Variants in SLC12A6 observed in about 807,000 individuals in gnomAD.
The protein encoded by SLC12A6 is K-Cl cotransporter 3.
SLC12A6 carries 66 observed loss-of-function variants against 135.3 expected under a neutral mutation model. The ratio of observed to expected loss-of-function variants is 0.49; its 90% CI spans 0.40 to 0.60. The LOEUF is 0.60. Among genes scored for constraint, SLC12A6 ranks in the 20% least tolerant of loss-of-function variants. The pLI is 0.00. For missense variants in SLC12A6, 1,058 were observed against 1,452.3 expected (o/e 0.73, Z 4.41); for synonymous variants, 513 against 508.8 (o/e 1.01, Z -0.11).
chr15:34,256,903 T>A (rs1892789212), intron 6 of SLC12A6, among the ~76,000 whole-genome samples: 1 of 152,062 alleles, frequency 6.6e-6, no homozygotes, highest in Admixed American at 6.5e-5. Context: ...TGATTAGATG[T>A]GAAAAGCAAT....
chr15:34,265,020 C>A (rs796512810), intron 3 of SLC12A6, among the ~76,000 whole-genome samples: 51 of 152,200 alleles, frequency 3.4e-4, no homozygotes, highest in African/African-American at 1.1e-3. Context: ...CACGGTGAAA[C>A]CCTGTCTCTA....
intron 4 of SLC12A6, among the ~76,000 whole-genome samples, chr15:34,260,223 A>G (rs1381811998): frequency 4.6e-5 from 7 of 152,212 alleles, no homozygotes; most frequent in Admixed American, 4.6e-4. Context: ...CAATTAAAAA[A>G]AAGGACATGA....
chr15:34,230,847 G>A lies in SLC12A6; in HGVS notation c.*3034C>T, dbSNP rs1238660309. On this transcript the variant is annotated 3_prime_UTR_variant, in exon 26 of 26. Transcript: ENST00000354181. ...TAACAGTGATTTTGTGTTTCGGGCT[G>A]AAGCAGTGGTTATATTAAAAGCCAC... 6.6e-6 allele frequency: 1 copy of A among 152,644 alleles called. No individual in the cohort carries two copies. Among genetic ancestry groups the A allele is most frequent in the East Asian group, 1.9e-4 (1 of 5,204 alleles). The allele number at this position is 152,644 out of a possible 1,614,324, so 9.5% of individuals were successfully genotyped here. A position where few individuals can be genotyped will look rare whatever the true frequency, so the allele number is the denominator to read the frequency against.
chr15:34,269,754 T>A (rs952688290), intron 3 of SLC12A6, among the ~76,000 whole-genome samples: 1 of 152,174 alleles, frequency 6.6e-6, no homozygotes, highest in Non-Finnish European at 1.5e-5. Context: ...AATTGGTAGT[T>A]GAATCTAAAA....
At chr15:34,293,446 G>A (rs902125034) in intron 2 of SLC12A6, among the ~76,000 whole-genome samples, 4 of 152,162 alleles carry the variant, frequency 2.6e-5, no homozygotes, top group Non-Finnish European at 5.9e-5. Context: ...TGAGATTACA[G>A]GTGCCCACTG....
In SLC12A6 at chr15:34,237,494, A is replaced by G. The variant is rs776132941; in HGVS notation, c.2859T>C (p.Ser953=). 5 of 1,612,240 alleles carry G rather than the reference A, an allele frequency of 3.1e-6. No individual in the cohort carries two copies. The East Asian group carries it at 1.1e-4, about 36-fold the overall frequency. The change falls in exon 22 of 26, where the codon AGT becomes AGC. Residue 953 remains serine (S), a synonymous_variant. Coordinates refer to ENST00000354181, the MANE Select transcript of SLC12A6 (RefSeq NM_001365088.1). ...TGGCTAGGTCCTTCTTCATTTGGAT[A>G]CTGTTGTCTTCTAATTGGGCTACTG... is the stretch of plus-strand genomic sequence containing the variant. ...IFTVAQLEDN[S]IQMKKDLATF... is the part of the protein sequence containing the mutation.
chr15:34,285,599 T>C (rs556438522), intron 2 of SLC12A6, among the ~76,000 whole-genome samples: 1 of 150,448 alleles, frequency 6.6e-6, no homozygotes, highest in African/African-American at 2.5e-5. Flanking sequence ...GAGTTCTCCA[T>C]GTACCCACCA....
rs1891819836 is a variant in SLC12A6, at chr15:34,243,974, C to G, written c.2042G>C (p.Trp681Ser). 2 of 1,536,116 alleles carry G rather than the reference C, an allele frequency of 1.3e-6. No homozygotes were observed. The highest frequency in any genetic ancestry group is 1.8e-6 in the Non-Finnish European group (2 of 1,108,984). The change falls in exon 16 of 26, where the codon TGG (tryptophan) becomes TCG (serine). Residue 681 changes from tryptophan to serine, a missense_variant and splice_region_variant. By Grantham distance (177) the Trp-to-Ser change is radical. Coordinates refer to ENST00000354181, the MANE Select transcript of SLC12A6 (RefSeq NM_001365088.1). ...AAAAGAATAAAAGAAGCAGACTTAC[C>G]AATGGTAGTAGCGGAATCGGGGTCT... ...NWRPRFRYYH[W>S]ALSFMGMSIC...
chr15:34,307,722 A>G (rs563245596), intron 2 of SLC12A6, among the ~76,000 whole-genome samples: 2 of 152,308 alleles, frequency 1.3e-5, no homozygotes, highest in South Asian at 4.1e-4. Flanking sequence ...ATGTGGGTAT[A>G]TGTAATTTTT....
intron 2 of SLC12A6, among the ~76,000 whole-genome samples, chr15:34,304,407 C>T (rs183696850): frequency 6.6e-6 from 1 of 152,290 alleles, no homozygotes; most frequent in African/African-American, 2.4e-5. Flanking sequence ...TGTGGAAATA[C>T]ACTTAATTAC....
chr15:34,316,604 G>A (rs1008290438), intron 2 of SLC12A6, among the ~76,000 whole-genome samples: 1 of 152,150 alleles, frequency 6.6e-6, no homozygotes, highest in African/African-American at 2.4e-5. Flanking sequence ...ACTCAATTTA[G>A]ATTATATCTG....
rs548942934 is a variant in SLC12A6 at position 34,294,103 on chromosome 15, A to G, written c.272-18714T>C. 2.3e-3 allele frequency among the ~76,000 whole-genome samples: 344 copies of G among 152,394 alleles called. 3 individuals are homozygous for G. Among genetic ancestry groups the G allele is most frequent in the African/African-American group, 8.1e-3 (336 of 41,600 alleles). On this transcript the variant is annotated intron_variant, in intron 2 of 25. Coordinates refer to ENST00000354181, the MANE Select transcript of SLC12A6 (RefSeq NM_001365088.1). ...CTTGTGTAAATTACACCCATAAGGC[A>G]TAAGTCTGTGATTTCCAACTTTGGT...
intron 2 of SLC12A6, among the ~76,000 whole-genome samples, chr15:34,313,239 G>C (rs112719532): frequency 0.039 from 5,985 of 152,292 alleles, 222 homozygotes; most frequent in African/African-American, 0.099. Flanking sequence ...GAATGCAAAG[G>C]AACAGTTCTT....
At chr15:34,310,300 A>AGTGTGTGT (rs58503652) in intron 2 of SLC12A6, among the ~76,000 whole-genome samples, 13 of 43,758 alleles carry the variant, frequency 3.0e-4, no homozygotes, top group Non-Finnish European at 4.7e-4. Context: ...CCTGGGCTCA[A>AGTGTGTGT]GTGTGTGTGT....
At chr15:34,322,807 G>A (rs1195342968) in intron 2 of SLC12A6, among the ~76,000 whole-genome samples, 2 of 151,398 alleles carry the variant, frequency 1.3e-5, no homozygotes, top group Non-Finnish European at 2.9e-5. Context: ...GTGAAACCCC[G>A]TCTCCACTAA....
At chr15:34,297,715 A>G (rs1185216505) in intron 2 of SLC12A6, among the ~76,000 whole-genome samples, 1 of 152,200 alleles carries the variant, frequency 6.6e-6, no homozygotes, top group Non-Finnish European at 1.5e-5. Flanking sequence ...ATCACAGAGG[A>G]GGAATAAATA....
rs1386779408 is a variant in SLC12A6 at position 34,230,350 on chromosome 15, ACC to A, written c.*3529_*3530del. ...ACAGTGTAACTGTTATTATTTTAAT[ACC>A]CACGATAAGGGATTTTTGTTAGCAT... On this transcript the variant is annotated 3_prime_UTR_variant, in exon 26 of 26. Coordinates refer to ENST00000354181, the MANE Select transcript of SLC12A6 (RefSeq NM_001365088.1). The A allele has an allele frequency of 6.5e-6, 1 of 153,140 alleles. No individual in the cohort carries two copies. The highest frequency in any genetic ancestry group is 2.4e-5 in the African/African-American group (1 of 41,460). 9.5% of individuals were successfully genotyped at this position (153,140 alleles called of 1,614,324 possible).
intron 2 of SLC12A6, among the ~76,000 whole-genome samples, chr15:34,330,988 G>A (rs1321878801): frequency 6.6e-6 from 1 of 152,062 alleles, no homozygotes; most frequent in African/African-American, 2.4e-5. Flanking sequence ...GTTGCAATGA[G>A]TGGAGACCGC....
In SLC12A6 at chr15:34,230,334, CTGT is replaced by C. The variant is rs1194516428; in HGVS notation, c.*3544_*3546del. 6.5e-6 allele frequency: 1 copy of C among 153,406 alleles called. No individual in the cohort carries two copies. Among genetic ancestry groups the C allele is most frequent in the Non-Finnish European group, 1.4e-5 (1 of 69,002 alleles). The allele number at this position is 153,406 out of a possible 1,614,324, so 9.5% of individuals were successfully genotyped here. On this transcript the variant is annotated 3_prime_UTR_variant, in exon 26 of 26. Transcript: ENST00000354181. ...GCACATAAATATGCATACAGTGTAACTGTTATTATTTTAATACCCACGATAAGG... is the reference window on the plus strand; with the variant it reads ...GCACATAAATATGCATACAGTGTAACTATTATTTTAATACCCACGATAAGG...
Sources: allele counts gnomAD v4.1 joint callset (sites outside exome capture counted in the v4.1 genomes callset), GRCh38; gene constraint gnomAD v4.1.1; transcripts MANE v1.5; gene names NCBI Gene and HGNC (gene_info 2026-07-23, HGNC 2026-07-21).